SLC2A7: variants seen among roughly 807,000 people sequenced by gnomAD.
SLC2A7 encodes solute carrier family 2 member 7.
SLC2A7 carries 50 observed loss-of-function variants against 50.5 expected under a neutral mutation model. The ratio of observed to expected loss-of-function variants is 0.99; its 90% confidence interval spans 0.79 to 1.25. SLC2A7 has a LOEUF of 1.25. Ranked by LOEUF, SLC2A7 falls within the 50% of genes most tolerant of loss-of-function variation. The pLI is 0.00. For missense variants in SLC2A7, 683 were observed against 679.1 expected, an observed-to-expected ratio of 1.01 and a Z score of -0.06; for synonymous variants, 308 against 300.4, an observed-to-expected ratio of 1.03 and a Z score of -0.26.
chr1:9,010,106 T>C, intron 9 of SLC2A7, 37 bp downstream of exon 9: 1 of 1,107,174 alleles, frequency 9.0e-7, no homozygotes, highest in Non-Finnish European at 1.3e-6. Flanking sequence ...ACCCTCCCCA[T>C]GACTCCCCAC....
intron 10 of SLC2A7, among the ~76,000 whole-genome samples, chr1:9,005,251 C>T (rs1173844500): frequency 1.3e-5 from 2 of 152,152 alleles, no homozygotes; most frequent in Non-Finnish European, 2.9e-5. Context: ...TTTGCGCTGG[C>T]GTCACTCTGA....
chr1:9,025,960 C>T (rs184159232), intron 1 of SLC2A7, among the ~76,000 whole-genome samples: 201 of 152,320 alleles, frequency 1.3e-3, no homozygotes, highest in African/African-American at 4.6e-3. Context: ...AACAACCAGA[C>T]AGAAGGGCAG....
intron 8 of SLC2A7, among the ~76,000 whole-genome samples, chr1:9,011,366 C>A (rs1621718): frequency 6.6e-6 from 1 of 152,190 alleles, no homozygotes; most frequent in South Asian, 2.1e-4. Flanking sequence ...TTAAAAATAG[C>A]CCCTGGGCTG....
the SLC2A7 span, among the ~76,000 whole-genome samples, chr1:8,995,321 G>A: frequency 6.6e-6 from 1 of 151,450 alleles, no homozygotes; most frequent in African/African-American, 2.4e-5. Flanking sequence ...GGTGGCGGGC[G>A]CCTGTAGTCC....
intron 8 of SLC2A7, among the ~76,000 whole-genome samples, chr1:9,012,880 T>G (rs575763195): frequency 6.6e-6 from 1 of 152,128 alleles, no homozygotes; most frequent in African/African-American, 2.4e-5. Context: ...ATCTGAAGGT[T>G]TTTCTTTGTT....
chr1:9,005,276 C>T (rs561898860), intron 10 of SLC2A7, among the ~76,000 whole-genome samples: 2 of 152,332 alleles, frequency 1.3e-5, no homozygotes, highest in Admixed American at 6.5e-5. Flanking sequence ...AGACCGCCCG[C>T]GCTTGGGAAG....
the SLC2A7 span, among the ~76,000 whole-genome samples, chr1:8,994,968 A>G: frequency 6.6e-6 from 1 of 150,966 alleles, no homozygotes; most frequent in African/African-American, 2.4e-5. Context: ...ATGGGGTTTC[A>G]CCATGTTGCC....
intron 2 of SLC2A7, 114 bp downstream of exon 2, chr1:9,024,862 T>C (rs1640970960): frequency 1.7e-6 from 2 of 1,173,558 alleles, no homozygotes; most frequent in Admixed American, 2.1e-5. Context: ...AAAGGCAAGA[T>C]GGTGCCTCCT....
intron 9 of SLC2A7, among the ~76,000 whole-genome samples, chr1:9,009,176 T>C (rs771442848): frequency 6.6e-6 from 1 of 152,202 alleles, no homozygotes; most frequent in Non-Finnish European, 1.5e-5. Context: ...TCACACATTC[T>C]TGTACTCATG....
chr1:8,993,993 T>G, the SLC2A7 span, among the ~76,000 whole-genome samples: 4 of 152,262 alleles, frequency 2.6e-5, no homozygotes, highest in Admixed American at 6.5e-5. Flanking sequence ...CCAAGTTATC[T>G]GCAAGAAGAG....
chr1:8,998,660 A>G (rs889164911), downstream of SLC2A7, among the ~76,000 whole-genome samples: 3 of 152,012 alleles, frequency 2.0e-5, no homozygotes, highest in Non-Finnish European at 1.5e-5. Flanking sequence ...TCAATTTCTA[A>G]CCCCATCCTC....
At chr1:9,017,540 T>C (rs1275159476) in intron 5 of SLC2A7, among the ~76,000 whole-genome samples, 5 of 152,348 alleles carry the variant, frequency 3.3e-5, no homozygotes, top group East Asian at 3.9e-4. Flanking sequence ...AGACCCTTTT[T>C]GTCCAATGCT....
chr1:8,997,398 T>C, the SLC2A7 span, among the ~76,000 whole-genome samples: 22 of 152,188 alleles, frequency 1.4e-4, no homozygotes, highest in African/African-American at 5.1e-4. Context: ...GTTTTGAGAA[T>C]TTATTTATTT....
chr1:9,019,920 A>G (rs757003078), intron 3 of SLC2A7, among the ~76,000 whole-genome samples: 15 of 152,092 alleles, frequency 9.9e-5, no homozygotes, highest in Non-Finnish European at 1.6e-4. Context: ...CAAGACTCCA[A>G]CTCAAAAAAA....
At chr1:9,013,007 C>T (rs375273203) in intron 8 of SLC2A7, among the ~76,000 whole-genome samples, 47 of 152,112 alleles carry the variant, frequency 3.1e-4, no homozygotes, top group Non-Finnish European at 8.8e-5. Flanking sequence ...TCTCCTGACT[C>T]GGCCTCCCAA....
rs980255247 is a variant in SLC2A7, at chr1:9,010,169, C to A, written c.1090G>T (p.Val364Leu). 2.6e-6 allele frequency: 4 copies of A among 1,552,566 alleles called. No individual in the cohort carries two copies. The African/African-American group carries it at 4.1e-5, about 16-fold the overall frequency. ...GYGICGSACL[V>L]LTVVLLFQNR... is the part of the protein sequence containing the mutation. ...TGGAATAGGAGCACCACCGTCAGCA[C>A]CAGGCAGGCAGAGCCGCAGATGCCG... is the stretch of plus-strand genomic sequence containing the variant. Residue 364 changes from valine to leucine, a missense_variant, in exon 9 of 12, where the codon GTG becomes TTG. Val to Leu is a conservative substitution (Grantham distance 32). Coordinates refer to ENST00000400906, the MANE Select transcript of SLC2A7 (RefSeq NM_207420.3).
rs573233730 is a variant in SLC2A7, at chr1:9,009,004, C to G, written c.1116+1139G>C. 2.6e-5 allele frequency among the ~76,000 whole-genome samples: 4 copies of G among 152,318 alleles called. No homozygotes were observed. In the South Asian group the frequency reaches 6.2e-4, roughly 24 times the overall value. ...GTTCGTCGCCAGGCCTTGCTTTCCC[C>G]GCAGGCCCTGGCCTCCTGGTCATTC... On this transcript the variant is annotated intron_variant, in intron 9 of 11. Transcript: ENST00000400906.
chr1:9,024,947 G>GGCCCACCTTGTGCCCACCGTGT, intron 2 of SLC2A7, 29 bp downstream of exon 2: 1 of 1,598,760 alleles, frequency 6.3e-7, no homozygotes, highest in African/African-American at 1.3e-5. Context: ...GCTGCTGCCC[G>GGCCCACCTTGTGCCCACCGTGT]GCCCACCTTG....
rs970106581 is a variant in SLC2A7, at chr1:9,008,479, C to T, written c.1117-1094G>A. ...TGGTTGGACAGAAGGAGTGAAAGAG[C>T]CACCGGGGATGCCCCTAGGTTTCAG... On this transcript the variant is annotated intron_variant, in intron 9 of 11. Transcript: ENST00000400906. This position sits in a 1 kb window ranked among gnomAD's most constrained non-coding sequence, Gnocchi z 5.9. 1.3e-5 allele frequency among the ~76,000 whole-genome samples: 2 copies of T among 152,208 alleles called. No individual in the cohort carries two copies. The highest frequency in any genetic ancestry group is 2.9e-5 in the Non-Finnish European group (2 of 68,046).
Sources: gnomAD v4.1 joint callset for allele counts (sites outside exome capture counted in the v4.1 genomes callset) on GRCh38, gnomAD v4.1.1 for gene constraint, Gnocchi (gnomAD v3.1) non-coding constraint, MANE v1.5 for transcripts, NCBI Gene and HGNC (gene_info 2026-07-23, HGNC 2026-07-21) for gene names.